The following BTBD9 variants were observed in gnomAD, a reference collection of about 807,000 sequenced individuals.
BTBD9 encodes BTB domain containing 9.
A neutral mutation model predicts 64.3 loss-of-function variants in BTBD9; 49 were observed. That is an observed-to-expected ratio of 0.76 (90% CI 0.61 to 0.97). BTBD9 has a LOEUF of 0.97. Among genes scored for constraint, BTBD9 ranks in the 50% least tolerant of loss-of-function variants. BTBD9 has a pLI of 0.00. For synonymous variants in BTBD9, 260 were observed against 274.7 expected (o/e 0.95, Z 0.53); for missense variants, 598 against 762.1 (o/e 0.78, Z 2.53).
In BTBD9 at chr6:38,181,911, G is replaced by A. The variant is rs80293182; in HGVS notation, c.1642-6729C>T. Among the ~76,000 whole-genome samples the A allele has an allele frequency of 2.6e-5, 4 of 152,136 alleles. No homozygotes were observed. The South Asian group carries it at 8.3e-4, about 32-fold the overall frequency. On this transcript the variant is annotated intron_variant, in intron 10 of 10. Transcript: ENST00000481247. ...GCTAAGACAGGAGAATTGCTTGAAC[G>A]TGGGAGGCGGAAGTTGCAGTGAGCC...
At chr6:38,303,915 G>GTATATA (rs145671357) in intron 7 of BTBD9, among the ~76,000 whole-genome samples, 3,408 of 128,958 alleles carry the variant, frequency 0.026, 155 homozygotes, top group African/African-American at 0.089. Flanking sequence ...GTATATATGT[G>GTATATA]TATATATATA....
chr6:38,309,015 G>C (rs1218613868), intron 7 of BTBD9, among the ~76,000 whole-genome samples: 1 of 151,966 alleles, frequency 6.6e-6, no homozygotes, highest in African/African-American at 2.4e-5. Flanking sequence ...ACCACAGCTT[G>C]GGGAATATTT....
chr6:38,379,218 C>A (rs931159071), intron 6 of BTBD9, among the ~76,000 whole-genome samples: 23 of 152,152 alleles, frequency 1.5e-4, no homozygotes, highest in African/African-American at 5.5e-4. Flanking sequence ...AAAGTCCAGA[C>A]TCCCAAAAGG....
rs962208421 is a variant in BTBD9 at position 38,623,389 on chromosome 6, T to C, written c.-28+16411A>G. On this transcript the variant is annotated intron_variant, in intron 1 of 10. Coordinates refer to ENST00000481247, the MANE Select transcript of BTBD9 (RefSeq NM_001099272.2). Reference sequence around the variant, plus strand: ...CAGGAACCATAATAGCTAGTTTATCTACTTCATTATCCTACTACCACACAC... The same window carrying C: ...CAGGAACCATAATAGCTAGTTTATCCACTTCATTATCCTACTACCACACAC... Among the ~76,000 whole-genome samples the C allele has an allele frequency of 3.9e-5, 6 of 152,304 alleles. No homozygotes were observed. The East Asian group carries it at 1.2e-3, about 29-fold the overall frequency.
At chr6:38,619,958 C>T (rs574833577) in intron 1 of BTBD9, among the ~76,000 whole-genome samples, 9 of 152,214 alleles carry the variant, frequency 5.9e-5, no homozygotes, top group African/African-American at 2.2e-4. Flanking sequence ...CCATTTGTTG[C>T]CCCCTACTTG....
chr6:38,334,110 C>T (rs1041327980), intron 7 of BTBD9, among the ~76,000 whole-genome samples: 4 of 152,260 alleles, frequency 2.6e-5, no homozygotes, highest in South Asian at 2.1e-4. Flanking sequence ...CACTGTGCCC[C>T]CTGCTCTAGG....
rs1376584707 is a variant in BTBD9 at position 38,548,537 on chromosome 6, G to A, written c.1154+29063C>T. On this transcript the variant is annotated intron_variant, in intron 6 of 10. Transcript: ENST00000481247. ...AAATGTGCCTACAAAGTTCAAAATCGTGCATTCCTAGATGGCATCTTGGAA... is the reference window on the plus strand; with the variant it reads ...AAATGTGCCTACAAAGTTCAAAATCATGCATTCCTAGATGGCATCTTGGAA... 2.6e-5 allele frequency among the ~76,000 whole-genome samples: 4 copies of A among 151,704 alleles called. 1 individual carries two copies. Among genetic ancestry groups the A allele is most frequent in the Non-Finnish European group, 4.4e-5 (3 of 67,960 alleles).
At chr6:38,197,841 C>T (rs535015940) in intron 9 of BTBD9, among the ~76,000 whole-genome samples, 22 of 152,198 alleles carry the variant, frequency 1.4e-4, no homozygotes, top group Non-Finnish European at 2.4e-4. Flanking sequence ...TGGGATTACA[C>T]ACACTAAACT....
At chr6:38,430,734 C>T (rs796445499) in intron 6 of BTBD9, among the ~76,000 whole-genome samples, 20 of 151,748 alleles carry the variant, frequency 1.3e-4, no homozygotes, top group African/African-American at 4.6e-4. Flanking sequence ...AGGCTGGTCT[C>T]GAACTCCTGG....
At chr6:38,510,260 C>T (rs1282027013) in intron 6 of BTBD9, among the ~76,000 whole-genome samples, 1 of 152,276 alleles carries the variant, frequency 6.6e-6, no homozygotes, top group East Asian at 1.9e-4. Flanking sequence ...TGCTCCTAGG[C>T]TACAAACCAG....
chr6:38,404,666 G>A (rs1767088416), intron 6 of BTBD9, among the ~76,000 whole-genome samples: 1 of 152,238 alleles, frequency 6.6e-6, no homozygotes, highest in African/African-American at 2.4e-5. Context: ...TTCTAGGGAG[G>A]GCAAAGTTCA....
intron 7 of BTBD9, among the ~76,000 whole-genome samples, chr6:38,325,191 A>G (rs923049983): frequency 9.2e-5 from 14 of 152,194 alleles, no homozygotes; most frequent in African/African-American, 2.4e-4. Flanking sequence ...CATATACAAA[A>G]TTGCCCAATA....
intron 6 of BTBD9, among the ~76,000 whole-genome samples, chr6:38,377,176 T>C (rs1291807370): frequency 1.3e-5 from 2 of 152,040 alleles, no homozygotes; most frequent in Non-Finnish European, 2.9e-5. Flanking sequence ...TCTAGATAAA[T>C]AAAAAGTAAA....
chr6:38,437,836 G>T (rs1768808881), intron 6 of BTBD9, among the ~76,000 whole-genome samples: 1 of 151,832 alleles, frequency 6.6e-6, no homozygotes, highest in Non-Finnish European at 1.5e-5. Flanking sequence ...AAAATCCAGT[G>T]GTCAAGTCTT....
At chr6:38,232,640 A>AT (rs1408336575) in intron 9 of BTBD9, among the ~76,000 whole-genome samples, 1 of 145,272 alleles carries the variant, frequency 6.9e-6, no homozygotes, top group Non-Finnish European at 1.5e-5. Context: ...TTTTATTATT[A>AT]TTTTTTCACA....
rs16890876 is a variant in BTBD9 at position 38,608,929 on chromosome 6, T to A, written c.-27-10808A>T. Among the ~76,000 whole-genome samples, 636 of 152,228 alleles carry A rather than the reference T, an allele frequency of 4.2e-3. 9 individuals are homozygous for A. The highest frequency in any genetic ancestry group is 0.015 in the African/African-American group (603 of 41,518). ...AACATAACATTCTGTACTGTGATTT[T>A]AAAAAAAGAAGAAGCAGAAGAAAAA... On this transcript the variant is annotated intron_variant, in intron 1 of 10. Coordinates refer to ENST00000481247, the MANE Select transcript of BTBD9 (RefSeq NM_001099272.2).
At chr6:38,440,707 G>A (rs1220200380) in intron 6 of BTBD9, among the ~76,000 whole-genome samples, 1 of 152,024 alleles carries the variant, frequency 6.6e-6, no homozygotes, top group Non-Finnish European at 1.5e-5. Flanking sequence ...CAAATTTATG[G>A]CATAATAGAC....
chr6:38,191,764 G>A (rs1201167678), intron 10 of BTBD9, among the ~76,000 whole-genome samples: 3 of 152,236 alleles, frequency 2.0e-5, no homozygotes, highest in South Asian at 4.1e-4. Flanking sequence ...GTGGGAAGGG[G>A]CAGGAGGCGG....
intron 10 of BTBD9, chr6:38,179,390 C>A (rs1761436906): frequency 4.4e-6 from 2 of 455,804 alleles, no homozygotes; most frequent in African/African-American, 2.0e-5. Flanking sequence ...AGAGCGCCCA[C>A]AATGACTCTC....
Sources: gnomAD v4.1 joint callset for allele counts (sites outside exome capture counted in the v4.1 genomes callset) on GRCh38, gnomAD v4.1.1 for gene constraint, MANE v1.5 for transcripts, NCBI Gene and HGNC (gene_info 2026-07-23, HGNC 2026-07-21) for gene names.